Variants in SAP30BP observed in about 807,000 individuals in gnomAD.
SAP30BP encodes SAP30 binding protein.
A neutral mutation model predicts 46.3 loss-of-function variants in SAP30BP; 31 were observed. That is an observed-to-expected ratio of 0.67 (90% CI 0.50 to 0.90). SAP30BP has a LOEUF of 0.90. SAP30BP is among the 40% of genes least tolerant of loss of function. SAP30BP has a pLI of 0.00. For synonymous variants in SAP30BP, 169 were observed against 144.2 expected (o/e 1.17, Z -1.23); for missense variants, 312 against 391.0 (o/e 0.80, Z 1.70).
chr17:75,683,456 C>G (rs1192559178), intron 3 of SAP30BP: 1 of 151,906 alleles, frequency 6.6e-6, no homozygotes, highest in Admixed American at 6.6e-5. Context: ...AGTCCTTAGC[C>G]CCACAGATTT....
chr17:75,696,274 C>A (rs1040566894), intron 4 of SAP30BP, among the ~76,000 whole-genome samples: 5 of 152,070 alleles, frequency 3.3e-5, no homozygotes, highest in African/African-American at 1.2e-4. Context: ...GTGGCTCATG[C>A]CTGTCATCCC....
chr17:75,703,304 C>CT lies in SAP30BP; in HGVS notation c.489-4dup, dbSNP rs762177424. Reference sequence around the variant, plus strand: ...GTGCCTGCTCAGCGCCGGCACTGTTCTTTCAGCATCTACGAGAAGCTGATC... The same window carrying CT: ...GTGCCTGCTCAGCGCCGGCACTGTTCTTTTCAGCATCTACGAGAAGCTGATC... On this transcript the variant is annotated splice_polypyrimidine_tract_variant and splice_region_variant and intron_variant, in intron 6 of 10. Coordinates refer to ENST00000584667, the MANE Select transcript of SAP30BP (RefSeq NM_013260.8). 12 of 1,613,960 alleles carry CT rather than the reference C, an allele frequency of 7.4e-6. No homozygotes were observed. In the South Asian group the frequency reaches 1.2e-4, roughly 16 times the overall value.
chr17:75,685,004 C>T (rs2060135770), intron 3 of SAP30BP, among the ~76,000 whole-genome samples: 1 of 152,182 alleles, frequency 6.6e-6, no homozygotes, highest in Non-Finnish European at 1.5e-5. Flanking sequence ...CCCTCCTTGG[C>T]TCCATTGCAC....
intron 3 of SAP30BP, among the ~76,000 whole-genome samples, chr17:75,675,751 T>C (rs1429404469): frequency 6.6e-5 from 10 of 151,576 alleles, no homozygotes; most frequent in Admixed American, 6.6e-4. Context: ...CCCATTTCTA[T>C]AAAAAAAATA....
chr17:75,668,643 A>G lies in SAP30BP; in HGVS notation c.216+18A>G, dbSNP rs2059850642. ...GACAGTCGGTAGGTAAATCTCCCAG[A>G]TCCAGAGCTACTGAAAGCACAATTT... On this transcript the variant is annotated intron_variant, in intron 2 of 10. Transcript: ENST00000584667. 1 of 1,479,564 alleles carries G rather than the reference A, an allele frequency of 6.8e-7. No individual in the cohort carries two copies. The highest frequency in any genetic ancestry group is 9.4e-7 in the Non-Finnish European group (1 of 1,067,004). 91.7% of individuals were successfully genotyped at this position (1,479,564 alleles called of 1,614,324 possible).
At chr17:75,670,645 A>G (rs2059895118) in intron 2 of SAP30BP, among the ~76,000 whole-genome samples, 4 of 152,188 alleles carry the variant, frequency 2.6e-5, no homozygotes, top group Non-Finnish European at 4.4e-5. Context: ...ATCTTGTTGT[A>G]GAGATTCTGA....
At chr17:75,690,397 G>T (rs2060224245) in intron 3 of SAP30BP, among the ~76,000 whole-genome samples, 1 of 152,168 alleles carries the variant, frequency 6.6e-6, no homozygotes, top group Non-Finnish European at 1.5e-5. Flanking sequence ...CTAAAAAGCA[G>T]CTCTGGGGTA....
intron 9 of SAP30BP, chr17:75,705,037 C>G (rs1370604025): frequency 7.5e-6 from 4 of 531,344 alleles, no homozygotes; most frequent in Non-Finnish European, 1.4e-5. Context: ...CTACATTGTG[C>G]CCCCCTTTCC....
chr17:75,703,703 C>G, intron 7 of SAP30BP, 105 bp from the exon 8 acceptor site: 9 of 1,023,066 alleles, frequency 8.8e-6, no homozygotes, highest in Non-Finnish European at 1.4e-5. Context: ...AGCCGAGCCC[C>G]GGGTAAGGGG....
intron 4 of SAP30BP, among the ~76,000 whole-genome samples, chr17:75,696,203 A>G (rs2060315314): frequency 6.6e-6 from 1 of 152,098 alleles, no homozygotes; most frequent in African/African-American, 2.4e-5. Flanking sequence ...CTGTGGACAC[A>G]TCGCTTTACT....
intron 3 of SAP30BP, among the ~76,000 whole-genome samples, chr17:75,688,746 ACTTC>A (rs1319339569): frequency 6.6e-6 from 1 of 151,998 alleles, no homozygotes; most frequent in African/African-American, 2.4e-5. Flanking sequence ...TATTGTTGTT[ACTTC>A]CTTCCTGCGC....
At chr17:75,704,358 A>G (rs528777502) in intron 8 of SAP30BP, among the ~76,000 whole-genome samples, 1 of 152,362 alleles carries the variant, frequency 6.6e-6, no homozygotes, top group African/African-American at 2.4e-5. Flanking sequence ...CATGGCCCAG[A>G]TCTTGGCCTG....
Position 75,679,095 on chromosome 17 carries a change from G to C in SAP30BP, c.264+7232G>C, listed in dbSNP as rs187868654. On this transcript the variant is annotated intron_variant, in intron 3 of 10. Transcript: ENST00000584667. The stretch of plus-strand genomic sequence containing the variant: ...TGCAAGCTCCGCCTCCCAGGTTCAC[G>C]CCATTCTCCTGCCTCAGCCTCCCGA... Among the ~76,000 whole-genome samples, 24 of 149,968 alleles carry C rather than the reference G, an allele frequency of 1.6e-4. 2 individuals carry two copies. The highest frequency in any genetic ancestry group is 1.0e-3 in the Admixed American group (15 of 14,888).
chr17:75,674,331 G>C (rs1196573716), intron 3 of SAP30BP, among the ~76,000 whole-genome samples: 2 of 151,986 alleles, frequency 1.3e-5, no homozygotes, highest in Non-Finnish European at 2.9e-5. Flanking sequence ...GTCTTGCTCT[G>C]TCGCTCAGGC....
At chr17:75,685,724 A>G (rs1482928129) in intron 3 of SAP30BP, among the ~76,000 whole-genome samples, 2 of 152,042 alleles carry the variant, frequency 1.3e-5, no homozygotes, top group African/African-American at 4.8e-5. Flanking sequence ...AAATATATCA[A>G]CCTAAAGCAC....
intron 5 of SAP30BP, among the ~76,000 whole-genome samples, chr17:75,701,312 C>T (rs992474591): frequency 6.6e-6 from 1 of 152,182 alleles, no homozygotes; most frequent in South Asian, 2.1e-4. Flanking sequence ...GGCCAGTGCC[C>T]GCCTTCCTTG....
intron 3 of SAP30BP, among the ~76,000 whole-genome samples, chr17:75,687,940 G>T (rs2060183740): frequency 1.0e-5 from 1 of 96,670 alleles, no homozygotes; most frequent in Admixed American, 1.1e-4. Context: ...GTGTGTGTGT[G>T]TGTGTGTGTG....
chr17:75,674,690 G>GTTTTTTTTTTTTTTTTTTTTT lies in SAP30BP; in HGVS notation c.264+2833_264+2834insTTTTTTTTTTTTTTTTTTTTT, dbSNP rs1287087489. On this transcript the variant is annotated intron_variant, in intron 3 of 10. Transcript: ENST00000584667. The stretch of plus-strand genomic sequence containing the variant: ...TTAAGCATATGAAGTTTTTTTGTTT[G>GTTTTTTTTTTTTTTTTTTTTT]TTTTTTGTTTTTTTTTTTTTTTTTT... Among the ~76,000 whole-genome samples the GTTTTTTTTTTTTTTTTTTTTT allele has an allele frequency of 5.6e-4, 22 of 39,594 alleles. 1 individual carries two copies. Among genetic ancestry groups the GTTTTTTTTTTTTTTTTTTTTT allele is most frequent in the Admixed American group, 9.2e-4 (3 of 3,246 alleles). 26.0% of individuals were successfully genotyped at this position (39,594 alleles called of 152,430 possible). A position where few individuals can be genotyped will look rare whatever the true frequency, so the allele number is the denominator to read the frequency against.
chr17:75,682,543 A>G (rs1402061093), intron 3 of SAP30BP, among the ~76,000 whole-genome samples: 1 of 152,272 alleles, frequency 6.6e-6, no homozygotes, highest in Non-Finnish European at 1.5e-5. Flanking sequence ...GTTTGCCTAT[A>G]ATAACATATG....
Sources: gnomAD v4.1 joint callset for allele counts (sites outside exome capture counted in the v4.1 genomes callset) on GRCh38, gnomAD v4.1.1 for gene constraint, MANE v1.5 for transcripts, NCBI Gene and HGNC (gene_info 2026-07-23, HGNC 2026-07-21) for gene names.